The following ADAP1 variants were observed in gnomAD, a reference collection of about 807,000 sequenced individuals.
ADAP1 encodes the protein ArfGAP with dual PH domains 1.
ADAP1 carries 31 observed loss-of-function variants against 54.9 expected under a neutral mutation model. The observed-to-expected ratio is 0.56, with a 90% CI of 0.42 to 0.76. The LOEUF (loss-of-function observed/expected upper bound fraction) is 0.76, where lower values mean the gene tolerates loss of function less well. ADAP1 is among the 30% of genes least tolerant of loss of function. The probability of loss-of-function intolerance (pLI) is 0.00; values close to 1 mark genes in which losing one functional copy is unlikely to be tolerated. For missense variants in ADAP1, 535 were observed against 512.4 expected (o/e 1.04, Z -0.42); for synonymous variants, 313 against 202.6 (o/e 1.55, Z -4.63).
At chr7:912,544 C>T (rs1326195675) in intron 4 of ADAP1, among the ~76,000 whole-genome samples, 14 of 152,174 alleles carry the variant, frequency 9.2e-5, no homozygotes, top group Admixed American at 8.5e-4. Flanking sequence ...GGGGCCACAG[C>T]GACGCACCTT....
chr7:943,302 C>G (rs373441635), intron 1 of ADAP1, among the ~76,000 whole-genome samples: 39 of 1,930 alleles, frequency 0.02, 1 homozygote, highest in East Asian at 0.14. Flanking sequence ...GAGAGGAGGA[C>G]GAAGGGAGAG....
At position 920,556 on chromosome 7, in the gene ADAP1, G is replaced by T. The variant is rs535230279; in HGVS notation, c.306-506C>A. ...CTCCACCCGCCGTGCCGCCCTCCAC[G>T]TGGTTCTGAGACACAGGACGGAGCT... On this transcript the variant is annotated intron_variant, in intron 3 of 10. Coordinates refer to ENST00000265846, the MANE Select transcript of ADAP1 (RefSeq NM_006869.4). The surrounding 1 kb of genome is among the most constrained non-coding windows in gnomAD (Gnocchi z 4.5). Among the ~76,000 whole-genome samples, 60 of 152,108 alleles carry T rather than the reference G, an allele frequency of 3.9e-4. No homozygotes were observed. The highest frequency in any genetic ancestry group is 1.4e-3 in the African/African-American group (60 of 41,512).
intron 6 of ADAP1, among the ~76,000 whole-genome samples, chr7:901,684 T>A (rs1174168076): frequency 8.7e-6 from 1 of 115,100 alleles, no homozygotes; most frequent in Non-Finnish European, 1.7e-5. Context: ...TGCTTTCTCC[T>A]GTGGCCCTTC....
Position 926,458 on chromosome 7 carries a change from G to T in ADAP1, c.305+95C>A. On this transcript the variant is annotated intron_variant, in intron 3 of 10. Transcript: ENST00000265846. This position sits in a 1 kb window ranked among gnomAD's most constrained non-coding sequence, Gnocchi z 4.6. The stretch of plus-strand genomic sequence containing the variant: ...CTGGCTTCTCCCCGACCCTGTGGGC[G>T]GCACCCAACTCCCCACCCTGCCGGG... 1.9e-6 allele frequency: 2 copies of T among 1,063,146 alleles called. No individual in the cohort carries two copies. Among genetic ancestry groups the T allele is most frequent in the Non-Finnish European group, 2.6e-6 (2 of 768,670 alleles). 65.9% of individuals were successfully genotyped at this position (1,063,146 alleles called of 1,614,324 possible).
chr7:904,790 T>A (rs4722379), intron 5 of ADAP1, among the ~76,000 whole-genome samples: 25,222 of 152,230 alleles, frequency 0.17, 2,207 homozygotes, highest in South Asian at 0.22. Flanking sequence ...AGTGACTAGG[T>A]TCTCCCTCTC....
chr7:929,528 A>AG (rs201861746), intron 2 of ADAP1, among the ~76,000 whole-genome samples: 2 of 148,924 alleles, frequency 1.3e-5, no homozygotes, highest in South Asian at 2.1e-4. Context: ...AAAAAAAAAA[A>AG]AAAAAAACAA....
chr7:931,717 G>A (rs558910238), intron 2 of ADAP1, among the ~76,000 whole-genome samples: 1 of 151,114 alleles, frequency 6.6e-6, no homozygotes, highest in South Asian at 2.1e-4. Context: ...GCTGTGAACG[G>A]CATCTCTAGG....
Position 898,247 on chromosome 7 carries a change from C to A in ADAP1, c.*674G>T, listed in dbSNP as rs559763303. The A allele has an allele frequency of 6.6e-4, 102 of 154,756 alleles. No homozygotes were observed. Among genetic ancestry groups the A allele is most frequent in the Admixed American group, 1.4e-3 (23 of 15,882 alleles). 9.6% of individuals were successfully genotyped at this position (154,756 alleles called of 1,614,324 possible). A position where few individuals can be genotyped will look rare whatever the true frequency, so the allele number is the denominator to read the frequency against. On this transcript the variant is annotated 3_prime_UTR_variant, in exon 11 of 11. Transcript: ENST00000265846. ...GCCTCACCGCGGCCCAGGCCCTCGT[C>A]CCCAAGGGTTCAGACACCACTGTCG...
Position 920,112 on chromosome 7 carries a change from C to G in ADAP1, c.306-62G>C. Reference sequence around the variant, plus strand: ...GCGGCCTCCGACCCAGCACACGCCGCTCTCTGGCCCGGACCCTGGACATCT... The same window carrying G: ...GCGGCCTCCGACCCAGCACACGCCGGTCTCTGGCCCGGACCCTGGACATCT... On this transcript the variant is annotated intron_variant, in intron 3 of 10. Transcript: ENST00000265846. This position sits in a 1 kb window ranked among gnomAD's most constrained non-coding sequence, Gnocchi z 4.5. 1 of 1,497,468 alleles carries G rather than the reference C, an allele frequency of 6.7e-7. No individual in the cohort carries two copies. Among genetic ancestry groups the G allele is most frequent in the Non-Finnish European group, 9.1e-7 (1 of 1,095,730 alleles). The allele number at this position is 1,497,468 out of a possible 1,614,324, so 92.8% of individuals were successfully genotyped here.
chr7:904,628 G>A (rs544278170), intron 5 of ADAP1, among the ~76,000 whole-genome samples: 1 of 152,222 alleles, frequency 6.6e-6, no homozygotes, highest in African/African-American at 2.4e-5. Flanking sequence ...CAGGGCGGGT[G>A]CTTCTGACCA....
chr7:906,354 A>G (rs1398031497), intron 4 of ADAP1, among the ~76,000 whole-genome samples: 2 of 7,420 alleles, frequency 2.7e-4, no homozygotes, highest in South Asian at 0.011. Context: ...AAGGGAAAGG[A>G]GAAAGGGAGA....
chr7:897,969 C>G lies in ADAP1; in HGVS notation c.*952G>C, dbSNP rs1432707598. 1 of 152,300 alleles carries G rather than the reference C, an allele frequency of 6.6e-6. No individual in the cohort carries two copies. Among genetic ancestry groups the G allele is most frequent in the African/African-American group, 2.4e-5 (1 of 41,458 alleles). The allele number at this position is 152,300 out of a possible 1,614,324, so 9.4% of individuals were successfully genotyped here. ...GGCGGCGGATGCCTGGCCTCGGAAA[C>G]CCCCTCCCTGCCTATGAGGGCTTGT... On this transcript the variant is annotated 3_prime_UTR_variant, in exon 11 of 11. Coordinates refer to ENST00000265846, the MANE Select transcript of ADAP1 (RefSeq NM_006869.4).
At chr7:913,304 C>T (rs1845799769) in intron 4 of ADAP1, among the ~76,000 whole-genome samples, 1 of 150,500 alleles carries the variant, frequency 6.6e-6, no homozygotes, top group Non-Finnish European at 1.5e-5. Context: ...GGGTTCACAC[C>T]ATTCTCCTGC....
intron 2 of ADAP1, chr7:935,036 T>C: frequency 2.2e-6 from 1 of 448,988 alleles, no homozygotes. Context: ...ACAGGGTCTC[T>C]TTTACCCTGA....
chr7:944,413 C>T (rs922340150), intron 1 of ADAP1, among the ~76,000 whole-genome samples: 25 of 152,052 alleles, frequency 1.6e-4, no homozygotes, highest in Middle Eastern at 3.4e-3. Flanking sequence ...CGCCACCATG[C>T]CTGGCTAATT....
At chr7:918,081 C>G (rs1248358081) in intron 4 of ADAP1, among the ~76,000 whole-genome samples, 3 of 152,192 alleles carry the variant, frequency 2.0e-5, no homozygotes, top group Admixed American at 2.0e-4. Context: ...TGTGCGCCAA[C>G]CGTGCACAGC....
intron 4 of ADAP1, among the ~76,000 whole-genome samples, chr7:911,179 G>C (rs148989760): frequency 6.6e-6 from 1 of 152,314 alleles, no homozygotes; most frequent in Non-Finnish European, 1.5e-5. Flanking sequence ...GGACAGGGAG[G>C]CTTCCCTGTT....
At chr7:927,282 G>A (rs1846423169) in intron 2 of ADAP1, 2 of 1,219,784 alleles carry the variant, frequency 1.6e-6, no homozygotes, top group African/African-American at 1.6e-5. Flanking sequence ...GCTCCAGGAG[G>A]CTGTCACGCA....
In ADAP1 at chr7:945,644, C is replaced by G; in HGVS notation, c.82+8752G>C. On this transcript the variant is annotated intron_variant, in intron 1 of 10. Transcript: ENST00000265846. The surrounding 1 kb of genome is among the most constrained non-coding windows in gnomAD (Gnocchi z 4.2). Reference sequence around the variant, plus strand: ...GGTAGGGAGGGGCAGGCCCAAGACTCCAGCCCCCACAAACATCCAGGCTGC... The same window carrying G: ...GGTAGGGAGGGGCAGGCCCAAGACTGCAGCCCCCACAAACATCCAGGCTGC... 1.3e-6 allele frequency: 1 copy of G among 783,684 alleles called. No individual in the cohort carries two copies. Among genetic ancestry groups the G allele is most frequent in the Non-Finnish European group, 1.5e-6 (1 of 645,950 alleles). 48.5% of individuals were successfully genotyped at this position (783,684 alleles called of 1,614,324 possible).
Sources: allele counts gnomAD v4.1 joint callset (sites outside exome capture counted in the v4.1 genomes callset), GRCh38; gene constraint gnomAD v4.1.1; non-coding constraint Gnocchi (gnomAD v3.1); transcripts MANE v1.5; gene names NCBI Gene and HGNC (gene_info 2026-07-23, HGNC 2026-07-21).